The following FHOD3 variants were observed in gnomAD, a reference collection of about 807,000 sequenced individuals.
FHOD3 encodes the protein formin homology 2 domain containing 3, also known as FH1/FH2 domain-containing protein 3.
In FHOD3, 90 loss-of-function variants were observed where a neutral mutation model predicts 173.0. The observed-to-expected ratio is 0.52, with a 90% CI of 0.44 to 0.62. The LOEUF is 0.62. FHOD3 is among the 20% of genes least tolerant of loss of function. The pLI is 0.00. For missense variants in FHOD3, 1,945 were observed against 2,034.7 expected (o/e 0.96, Z 0.85); for synonymous variants, 828 against 823.0 (o/e 1.01, Z -0.10).
At chr18:36,495,555 G>A (rs2054701651) in intron 3 of FHOD3, among the ~76,000 whole-genome samples, 1 of 152,186 alleles carries the variant, frequency 6.6e-6, no homozygotes, top group African/African-American at 2.4e-5. Flanking sequence ...GCCCCCTTCT[G>A]CACCACATGT....
chr18:36,501,199 A>C (rs1353639986), intron 3 of FHOD3, among the ~76,000 whole-genome samples: 1 of 152,216 alleles, frequency 6.6e-6, no homozygotes, highest in African/African-American at 2.4e-5. Context: ...GAGAATTCCA[A>C]GAGTGGGATC....
intron 1 of FHOD3, among the ~76,000 whole-genome samples, chr18:36,331,091 A>G (rs1255563535): frequency 6.6e-6 from 1 of 152,144 alleles, no homozygotes; most frequent in African/African-American, 2.4e-5. Flanking sequence ...ATTTCCTCCA[A>G]AGAGGTGTGT....
chr18:36,513,909 T>C (rs1015005406), intron 5 of FHOD3, among the ~76,000 whole-genome samples: 2 of 151,942 alleles, frequency 1.3e-5, no homozygotes, highest in Admixed American at 1.3e-4. Context: ...GGCTGCGGAG[T>C]TGGCTCTTTT....
chr18:36,389,084 C>T (rs966706736), intron 3 of FHOD3, among the ~76,000 whole-genome samples: 4 of 151,956 alleles, frequency 2.6e-5, no homozygotes, highest in Admixed American at 6.6e-5. Context: ...TTCTGAGGAT[C>T]GTGATGATAT....
At chr18:36,577,596 C>T (rs746377691) in intron 6 of FHOD3, among the ~76,000 whole-genome samples, 6 of 152,246 alleles carry the variant, frequency 3.9e-5, no homozygotes, top group Non-Finnish European at 7.3e-5. Context: ...CCACCACATC[C>T]GGCCCATACT....
intron 14 of FHOD3, among the ~76,000 whole-genome samples, chr18:36,678,524 C>CAAA (rs58064190): frequency 3.1e-3 from 218 of 70,492 alleles, no homozygotes; most frequent in Middle Eastern, 0.018. Context: ...GACCCTGTCT[C>CAAA]AAAAAAAAAA....
Position 36,649,348 on chromosome 18 carries a change from C to T in FHOD3, c.1229C>T (p.Thr410Met), listed in dbSNP as rs950341929. 1.0e-5 allele frequency: 16 copies of T among 1,535,742 alleles called. No homozygotes were observed. The highest frequency in any genetic ancestry group is 6.9e-5 in the African/African-American group (5 of 72,956). Residue 410 changes from threonine (T) to methionine (M), a missense_variant, in exon 11 of 29, where the codon ACG becomes ATG. Coordinates refer to ENST00000590592, the MANE Select transcript of FHOD3 (RefSeq NM_001281740.3). ...EEEEEEEQPI[T>M]EPSSEEERED... is the part of the protein sequence containing the mutation. The stretch of plus-strand genomic sequence containing the variant: ...GAGGAGGAAGAGGAGCAGCCAATCA[C>T]GGAGCCCAGTTCCGAAGAAGAGAGA...
intron 3 of FHOD3, among the ~76,000 whole-genome samples, chr18:36,469,528 T>C (rs1216757196): frequency 6.6e-6 from 1 of 152,208 alleles, no homozygotes; most frequent in African/African-American, 2.4e-5. Flanking sequence ...CCTTTGGTAG[T>C]GGGAGTTCCA....
At chr18:36,318,796 G>A (rs2044256639) in intron 1 of FHOD3, among the ~76,000 whole-genome samples, 1 of 152,104 alleles carries the variant, frequency 6.6e-6, no homozygotes, top group African/African-American at 2.4e-5. Context: ...TCCTTGTCTT[G>A]TGCCAGTTTT....
chr18:36,733,952 C>A (rs1030510969), intron 20 of FHOD3, among the ~76,000 whole-genome samples: 1 of 152,080 alleles, frequency 6.6e-6, no homozygotes, highest in Non-Finnish European at 1.5e-5. Context: ...ATGCAGGCTG[C>A]GGTTTTGTGG....
intron 9 of FHOD3, among the ~76,000 whole-genome samples, chr18:36,614,261 A>T (rs1013875808): frequency 3.9e-5 from 6 of 151,992 alleles, no homozygotes; most frequent in Non-Finnish European, 8.8e-5. Flanking sequence ...TCCATACAAA[A>T]TGTGGTCTTT....
At chr18:36,678,524 C>CAAAAAA (rs58064190) in intron 14 of FHOD3, among the ~76,000 whole-genome samples, 24 of 71,132 alleles carry the variant, frequency 3.4e-4, no homozygotes, top group African/African-American at 7.8e-4. Flanking sequence ...GACCCTGTCT[C>CAAAAAA]AAAAAAAAAA....
intron 19 of FHOD3, among the ~76,000 whole-genome samples, chr18:36,722,810 C>T (rs1361852671): frequency 6.6e-6 from 1 of 152,156 alleles, no homozygotes; most frequent in Non-Finnish European, 1.5e-5. Context: ...AAAAATGAGG[C>T]GCTGAAGGAG....
rs1469048056 is a variant in FHOD3, at chr18:36,652,542, TTCC to T, written c.1287-18_1287-16del. 28 of 1,502,906 alleles carry T rather than the reference TTCC, an allele frequency of 1.9e-5. No individual in the cohort carries two copies. The Middle Eastern group carries it at 7.1e-4, about 38-fold the overall frequency. The allele number at this position is 1,502,906 out of a possible 1,614,324, so 93.1% of individuals were successfully genotyped here. On this transcript the variant is annotated intron_variant, in intron 11 of 28. Coordinates refer to ENST00000590592, the MANE Select transcript of FHOD3 (RefSeq NM_001281740.3). ...TTCTCTCCCAAATCTTTTTTTCTTC[TTCC>T]TCCTCCTCCCTGCTGGCCCAACAGC... is the stretch of plus-strand genomic sequence containing the variant.
intron 1 of FHOD3, among the ~76,000 whole-genome samples, chr18:36,305,320 T>A (rs2092063753): frequency 6.6e-6 from 1 of 152,206 alleles, no homozygotes; most frequent in African/African-American, 2.4e-5. Context: ...TAGAGTTTAA[T>A]GTTAGAAAAG....
intron 5 of FHOD3, among the ~76,000 whole-genome samples, chr18:36,555,343 T>A (rs2057832270): frequency 6.6e-6 from 1 of 151,926 alleles, no homozygotes; most frequent in Admixed American, 6.6e-5. Context: ...TACACCAGAG[T>A]TTTTTTATTT....
intron 12 of FHOD3, among the ~76,000 whole-genome samples, 188 bp from the exon 13 acceptor site, chr18:36,653,154 A>G (rs1418441513): frequency 6.6e-6 from 1 of 152,218 alleles, no homozygotes; most frequent in Non-Finnish European, 1.5e-5. Context: ...TAAGGGGATC[A>G]TTTGTTAAAA....
At chr18:36,380,818 A>C (rs1340392311) in intron 3 of FHOD3, among the ~76,000 whole-genome samples, 2 of 152,120 alleles carry the variant, frequency 1.3e-5, no homozygotes, top group Non-Finnish European at 2.9e-5. Context: ...CCATTAAAAA[A>C]AGTCACATGA....
chr18:36,354,731 G>A (rs771753812), intron 1 of FHOD3, among the ~76,000 whole-genome samples: 7 of 152,042 alleles, frequency 4.6e-5, no homozygotes, highest in Non-Finnish European at 7.4e-5. Flanking sequence ...GCTTGAACCC[G>A]GGAGGCAGAG....
Sources: allele counts gnomAD v4.1 joint callset (sites outside exome capture counted in the v4.1 genomes callset), GRCh38; gene constraint gnomAD v4.1.1; transcripts MANE v1.5; gene names NCBI Gene and HGNC (gene_info 2026-07-23, HGNC 2026-07-21).